The following PALS1 variants were observed in gnomAD, a reference collection of about 807,000 sequenced individuals.
The protein encoded by PALS1 is protein associated with LIN7 1, MAGUK p55 family member, also known as protein PALS1.
A neutral mutation model predicts 78.9 loss-of-function variants in PALS1; 31 were observed. The observed-to-expected ratio is 0.39, with a 90% CI of 0.30 to 0.53. The LOEUF (loss-of-function observed/expected upper bound fraction) is 0.53, where lower values mean the gene tolerates loss of function less well. PALS1 is among the 20% of genes least tolerant of loss of function. The pLI, the probability that PALS1 is intolerant of heterozygous loss-of-function variation, is 0.67. For synonymous variants in PALS1, 276 were observed against 270.9 expected, an observed-to-expected ratio of 1.02 and a Z score of -0.18; for missense variants, 704 against 826.5, an observed-to-expected ratio of 0.85 and a Z score of 1.82.
intron 1 of PALS1, among the ~76,000 whole-genome samples, chr14:67,244,018 G>T (rs2083947552): frequency 2.0e-5 from 3 of 152,268 alleles, no homozygotes; most frequent in Non-Finnish European, 2.9e-5. Flanking sequence ...TCTAAATTCA[G>T]TGCTCTTCTC....
chr14:67,294,025 T>TA (rs1323632875), intron 4 of PALS1, among the ~76,000 whole-genome samples: 3 of 152,116 alleles, frequency 2.0e-5, no homozygotes, highest in Non-Finnish European at 2.9e-5. Flanking sequence ...AGCAAAGAAC[T>TA]AAAGTGGCTT....
At chr14:67,275,654 T>C (rs544011556) in intron 2 of PALS1, among the ~76,000 whole-genome samples, 2 of 152,308 alleles carry the variant, frequency 1.3e-5, no homozygotes, top group South Asian at 4.1e-4. Context: ...TTAGGGAGGA[T>C]TGCCTCTTTT....
At chr14:67,296,583 CT>C (rs2084854675) in intron 4 of PALS1, among the ~76,000 whole-genome samples, 1 of 53,520 alleles carries the variant, frequency 1.9e-5, no homozygotes, top group Non-Finnish European at 3.0e-5. Context: ...GAAACTCTGT[CT>C]CAAAAAAAAA....
chr14:67,319,602 T>C (rs2085230622), intron 11 of PALS1, among the ~76,000 whole-genome samples: 1 of 138,650 alleles, frequency 7.2e-6, no homozygotes, highest in African/African-American at 3.0e-5. Flanking sequence ...TAGAGATAGC[T>C]GATGAGCTAA....
intron 13 of PALS1, among the ~76,000 whole-genome samples, chr14:67,323,102 T>C (rs2085286121): frequency 6.6e-6 from 1 of 152,016 alleles, no homozygotes; most frequent in Non-Finnish European, 1.5e-5. Flanking sequence ...ACTAGGTGTT[T>C]TAATATCACA....
intron 3 of PALS1, among the ~76,000 whole-genome samples, chr14:67,280,762 T>C (rs1192224184): frequency 6.6e-6 from 1 of 150,620 alleles, no homozygotes; most frequent in Non-Finnish European, 1.5e-5. Context: ...TTGTTCCTCA[T>C]TAAGTCTCTT....
chr14:67,294,004 G>T (rs1338391476), intron 4 of PALS1, among the ~76,000 whole-genome samples: 1 of 152,190 alleles, frequency 6.6e-6, no homozygotes, highest in Non-Finnish European at 1.5e-5. Flanking sequence ...AGGGTTTTAG[G>T]AGTTGAGAAA....
chr14:67,288,150 G>A (rs764823041), intron 3 of PALS1, among the ~76,000 whole-genome samples: 7 of 151,944 alleles, frequency 4.6e-5, no homozygotes, highest in East Asian at 3.9e-4. Flanking sequence ...TGCGATCTCC[G>A]CTCACTGCAA....
At chr14:67,262,981 T>C (rs2084262537) in intron 1 of PALS1, among the ~76,000 whole-genome samples, 1 of 152,204 alleles carries the variant, frequency 6.6e-6, no homozygotes, top group South Asian at 2.1e-4. Context: ...TGCTAGCCTT[T>C]TAGATACATT....
intron 4 of PALS1, among the ~76,000 whole-genome samples, chr14:67,295,572 AAG>A (rs1466844963): frequency 6.6e-6 from 1 of 152,138 alleles, no homozygotes; most frequent in African/African-American, 2.4e-5. Context: ...CTTCACAAAA[AAG>A]AGGAAATCCA....
chr14:67,323,888 T>A, intron 14 of PALS1, 76 bp downstream of exon 14: 1 of 754,986 alleles, frequency 1.3e-6, no homozygotes, highest in Non-Finnish European at 2.2e-6. Context: ...GTCCTGGTGC[T>A]TAAAAGCTAC....
chr14:67,292,426 T>C, intron 3 of PALS1, 85 bp from the exon 4 acceptor site: 1 of 894,550 alleles, frequency 1.1e-6, no homozygotes, highest in Non-Finnish European at 1.7e-6. Context: ...AAATTGTTAC[T>C]GGTTCAAAGA....
intron 1 of PALS1, among the ~76,000 whole-genome samples, chr14:67,261,811 A>G (rs1005369058): frequency 1.3e-5 from 2 of 152,094 alleles, no homozygotes; most frequent in Non-Finnish European, 2.9e-5. Context: ...TGTTACCACA[A>G]TCAGGTACTA....
intron 9 of PALS1, among the ~76,000 whole-genome samples, chr14:67,313,685 T>C (rs1017772731): frequency 2.0e-5 from 3 of 152,158 alleles, no homozygotes; most frequent in African/African-American, 7.2e-5. Context: ...TAAATGCTGT[T>C]ATGTCTGCAC....
At chr14:67,243,654 G>A (rs1020562823) in intron 1 of PALS1, among the ~76,000 whole-genome samples, 1 of 151,206 alleles carries the variant, frequency 6.6e-6, no homozygotes, top group Non-Finnish European at 1.5e-5. Flanking sequence ...CACCACGCCT[G>A]CTAATTTTTT....
chr14:67,261,899 A>G (rs566353255), intron 1 of PALS1, among the ~76,000 whole-genome samples: 1 of 152,316 alleles, frequency 6.6e-6, no homozygotes, highest in South Asian at 2.1e-4. Flanking sequence ...GAAGCAGTCA[A>G]TTGAAGGGAA....
chr14:67,302,211 A>T (rs917295862), intron 6 of PALS1, 93 bp downstream of exon 6: 2 of 1,346,712 alleles, frequency 1.5e-6, no homozygotes, highest in Non-Finnish European at 9.9e-7. Context: ...TAATGAATAG[A>T]GTATTTCTGA....
chr14:67,331,761 A>T (rs2085453021), intron 14 of PALS1, among the ~76,000 whole-genome samples: 1 of 152,092 alleles, frequency 6.6e-6, no homozygotes, highest in Admixed American at 6.6e-5. Context: ...CTCCAATACC[A>T]CAAAGTTTCA....
intron 11 of PALS1, among the ~76,000 whole-genome samples, chr14:67,319,737 C>G (rs1465999113): frequency 6.6e-6 from 1 of 152,196 alleles, no homozygotes; most frequent in Non-Finnish European, 1.5e-5. Context: ...GTTGGACGAG[C>G]TTGAACTATA....
Sources: allele counts gnomAD v4.1 joint callset (sites outside exome capture counted in the v4.1 genomes callset), GRCh38; gene constraint gnomAD v4.1.1; transcripts MANE v1.5; gene names NCBI Gene and HGNC (gene_info 2026-07-23, HGNC 2026-07-21).